Variants in ACYP2 observed in about 807,000 individuals in gnomAD.
The protein encoded by ACYP2 is acylphosphatase 2.
A neutral mutation model predicts 11.2 loss-of-function variants in ACYP2; 12 were observed. The observed-to-expected ratio is 1.08, with a 90% CI of 0.69 to 1.74. The LOEUF is 1.74. ACYP2 is among the 40% of genes most tolerant of loss of function. ACYP2 has a pLI of 0.00. For missense variants in ACYP2, 134 were observed against 101.9 expected (o/e 1.31, Z -1.35); for synonymous variants, 43 against 32.2 (o/e 1.33, Z -1.13).
intron 4 of ACYP2, among the ~76,000 whole-genome samples, chr2:54,099,487 T>C (rs1410561935): frequency 6.6e-6 from 1 of 152,186 alleles, no homozygotes; most frequent in Non-Finnish European, 1.5e-5. Context: ...TCTGCTTCTA[T>C]GAGATCAGTG....
intron 4 of ACYP2, among the ~76,000 whole-genome samples, chr2:54,115,064 T>G (rs746417497): frequency 6.6e-6 from 1 of 152,090 alleles, no homozygotes; most frequent in Non-Finnish European, 1.5e-5. Context: ...GGGGAGATAT[T>G]GGTCAAAGGG....
intron 6 of ACYP2, among the ~76,000 whole-genome samples, chr2:54,148,170 G>C (rs928673820): frequency 1.3e-5 from 2 of 152,074 alleles, no homozygotes; most frequent in Non-Finnish European, 2.9e-5. Flanking sequence ...ATCTACTTGT[G>C]TTCCATTGGC....
intron 4 of ACYP2, among the ~76,000 whole-genome samples, chr2:54,074,370 G>C (rs1677215129): frequency 6.6e-6 from 1 of 151,904 alleles, no homozygotes; most frequent in Admixed American, 6.6e-5. Context: ...TACCAAGGTG[G>C]GAGGATCACA....
At chr2:54,229,561 T>C (rs1378728169) in intron 6 of ACYP2, among the ~76,000 whole-genome samples, 2 of 152,210 alleles carry the variant, frequency 1.3e-5, no homozygotes, top group East Asian at 1.9e-4. Context: ...ATAGTACTTT[T>C]AGGAGAGTAG....
intron 6 of ACYP2, among the ~76,000 whole-genome samples, chr2:54,140,104 T>G (rs1479556146): frequency 6.6e-6 from 1 of 152,172 alleles, no homozygotes; most frequent in African/African-American, 2.4e-5. Context: ...TTTCACAAAC[T>G]GTGGGGTGAC....
chr2:54,268,244 T>C (rs929102698), intron 6 of ACYP2, among the ~76,000 whole-genome samples: 4 of 152,224 alleles, frequency 2.6e-5, no homozygotes, highest in African/African-American at 9.6e-5. Flanking sequence ...TTTGATCATT[T>C]GACAGACTTT....
chr2:53,988,286 T>G (rs973382503), intron 2 of ACYP2, among the ~76,000 whole-genome samples: 31 of 152,200 alleles, frequency 2.0e-4, no homozygotes, highest in Non-Finnish European at 3.8e-4. Context: ...TTTATAGTTT[T>G]CTGTTTTACA....
intron 6 of ACYP2, among the ~76,000 whole-genome samples, chr2:54,171,334 T>G (rs894355177): frequency 6.6e-6 from 1 of 152,128 alleles, no homozygotes; most frequent in Non-Finnish European, 1.5e-5. Context: ...AGATAGCGAA[T>G]GGAATATGGG....
At chr2:54,007,780 G>A (rs912693916) in intron 2 of ACYP2, among the ~76,000 whole-genome samples, 2 of 152,020 alleles carry the variant, frequency 1.3e-5, no homozygotes, top group Non-Finnish European at 2.9e-5. Context: ...CAGGGGAATC[G>A]CATGAACCTA....
chr2:54,161,129 C>T (rs1043682537), intron 6 of ACYP2, among the ~76,000 whole-genome samples: 2 of 152,110 alleles, frequency 1.3e-5, no homozygotes, highest in African/African-American at 4.8e-5. Context: ...TGACTGTGAT[C>T]CACATGAAAG....
chr2:54,226,025 T>C lies in ACYP2; in HGVS notation c.405-78663T>C, dbSNP rs1202944055. Among the ~76,000 whole-genome samples, 3 of 152,226 alleles carry C rather than the reference T, an allele frequency of 2.0e-5. No individual in the cohort carries two copies. In the East Asian group the frequency reaches 5.8e-4, roughly 29 times the overall value. On this transcript the variant is annotated intron_variant, in intron 6 of 6. Coordinates refer to ENST00000607452, the MANE Select transcript of ACYP2 (RefSeq NM_001320586.2). The stretch of plus-strand genomic sequence containing the variant: ...CTAGTAGATTTGCTGGTTTGGTGTC[T>C]ACCTTAACTTAAATATTTAGAGAAA...
chr2:54,047,868 C>G (rs533229372), intron 2 of ACYP2, among the ~76,000 whole-genome samples: 7 of 152,212 alleles, frequency 4.6e-5, no homozygotes, highest in African/African-American at 1.4e-4. Flanking sequence ...AAATTGTCTC[C>G]TCAAGAGTTG....
chr2:54,110,724 T>C (rs1679414776), intron 4 of ACYP2, among the ~76,000 whole-genome samples: 1 of 151,864 alleles, frequency 6.6e-6, no homozygotes, highest in Non-Finnish European at 1.5e-5. Flanking sequence ...GTGGCTTTTT[T>C]CCCTCCCACC....
At chr2:54,102,638 CAAAAAAAAAAAAAAAAAAAAAA>C (rs58842257) in intron 4 of ACYP2, among the ~76,000 whole-genome samples, 4 of 83,300 alleles carry the variant, frequency 4.8e-5, no homozygotes, top group African/African-American at 1.8e-4. Context: ...TGGCTTAAGC[CAAAAAAAAAAAAAAAAAAAAAA>C]AAAAAAAAAA....
intron 4 of ACYP2, among the ~76,000 whole-genome samples, chr2:54,093,100 A>G (rs1678323195): frequency 6.6e-6 from 1 of 152,148 alleles, no homozygotes. Flanking sequence ...TCACTGCTCC[A>G]GAGTTGTGTG....
chr2:54,037,166 G>A (rs1007334405), intron 2 of ACYP2, among the ~76,000 whole-genome samples: 6 of 152,198 alleles, frequency 3.9e-5, no homozygotes, highest in Non-Finnish European at 8.8e-5. Flanking sequence ...AGGTTGGAGT[G>A]CAGTGGTGCA....
Position 54,048,561 on chromosome 2 carries a change from C to T in ACYP2, c.63-2397C>T, listed in dbSNP as rs896204105. ...CTTGCTCTGTCACCCCACTGGAGTG[C>T]AGTATCATAGCTCACTCTAGTGTTG... On this transcript the variant is annotated intron_variant, in intron 2 of 6. Coordinates refer to ENST00000607452, the MANE Select transcript of ACYP2 (RefSeq NM_001320586.2). 2.6e-5 allele frequency among the ~76,000 whole-genome samples: 4 copies of T among 152,178 alleles called. No homozygotes were observed. In the East Asian group the frequency reaches 5.8e-4, roughly 22 times the overall value.
intron 6 of ACYP2, chr2:54,267,205 G>A (rs912273758): frequency 2.2e-6 from 3 of 1,337,256 alleles, no homozygotes; most frequent in African/African-American, 1.5e-5. Flanking sequence ...TGTTTTTTAG[G>A]GGCCTATAAA....
rs891935008 is a variant in ACYP2 at position 54,275,327 on chromosome 2, T to A, written c.405-29361T>A. On this transcript the variant is annotated intron_variant, in intron 6 of 6. Transcript: ENST00000607452. ...AAACAGCTGACTATTTAGGTCTCGT[T>A]ATCTGTCCTGTATCTCACTATCTTC... Among the ~76,000 whole-genome samples the A allele has an allele frequency of 2.0e-5, 3 of 152,228 alleles. No individual in the cohort carries two copies. In the East Asian group the frequency reaches 5.8e-4, roughly 29 times the overall value.
Sources: gnomAD v4.1 joint callset for allele counts (sites outside exome capture counted in the v4.1 genomes callset) on GRCh38, gnomAD v4.1.1 for gene constraint, MANE v1.5 for transcripts, NCBI Gene and HGNC (gene_info 2026-07-23, HGNC 2026-07-21) for gene names.